The following EPB41L5 variants were observed in gnomAD, a reference collection of about 807,000 sequenced individuals.
The protein encoded by EPB41L5 is erythrocyte membrane protein band 4.1 like 5, also known as band 4.1-like protein 5.
EPB41L5 carries 55 observed loss-of-function variants against 106.6 expected under a neutral mutation model. The ratio of observed to expected loss-of-function variants is 0.52; its 90% CI spans 0.42 to 0.65. The LOEUF is 0.65. EPB41L5 is among the 30% of genes least tolerant of loss of function. The pLI is 0.00. For synonymous variants in EPB41L5, 297 were observed against 306.7 expected, an observed-to-expected ratio of 0.97 and a Z score of 0.33; for missense variants, 871 against 882.1, an observed-to-expected ratio of 0.99 and a Z score of 0.16.
At chr2:120,155,699 C>T (rs956879841) in intron 20 of EPB41L5, among the ~76,000 whole-genome samples, 1 of 151,814 alleles carries the variant, frequency 6.6e-6, no homozygotes, top group Non-Finnish European at 1.5e-5. Flanking sequence ...TTTTTTCTTT[C>T]ACCTCCTGAT....
intron 9 of EPB41L5, among the ~76,000 whole-genome samples, chr2:120,077,974 C>G (rs1185781468): frequency 1.3e-5 from 2 of 151,648 alleles, no homozygotes; most frequent in East Asian, 3.9e-4. Context: ...GGAGAGAGAG[C>G]AAAGAGGGAG....
intron 19 of EPB41L5, among the ~76,000 whole-genome samples, chr2:120,144,647 T>C (rs935119056): frequency 1.3e-5 from 2 of 152,082 alleles, no homozygotes; most frequent in African/African-American, 4.8e-5. Context: ...TTCAAAAAGA[T>C]AGAAGAGGAA....
intron 24 of EPB41L5, among the ~76,000 whole-genome samples, chr2:120,172,360 G>A (rs968829857): frequency 6.6e-6 from 1 of 152,170 alleles, no homozygotes; most frequent in Non-Finnish European, 1.5e-5. Context: ...TCTTTAGGAG[G>A]TCAAAGTTAA....
intron 2 of EPB41L5, among the ~76,000 whole-genome samples, chr2:120,033,910 A>G (rs1436970882): frequency 6.6e-6 from 1 of 151,536 alleles, no homozygotes; most frequent in African/African-American, 2.4e-5. Flanking sequence ...TCTGGGTAAC[A>G]TTATGAGAAC....
intron 16 of EPB41L5, among the ~76,000 whole-genome samples, chr2:120,125,426 A>G (rs756612802): frequency 2.3e-4 from 35 of 152,270 alleles, no homozygotes; most frequent in Admixed American, 7.2e-4. Flanking sequence ...GCTCATGGGA[A>G]ATATATTTAC....
intron 3 of EPB41L5, among the ~76,000 whole-genome samples, chr2:120,072,192 A>T (rs903608738): frequency 1.3e-5 from 2 of 152,256 alleles, no homozygotes; most frequent in Admixed American, 6.5e-5. Context: ...AAAGCGCATC[A>T]TCACTGGTTA....
rs1013579237 is a variant in EPB41L5, at chr2:120,062,558, A to G, written c.286-10620A>G. On this transcript the variant is annotated intron_variant, in intron 3 of 24. Coordinates refer to ENST00000263713, the MANE Select transcript of EPB41L5 (RefSeq NM_020909.4). ...TTTAAAGCTGTTTGATTATATTTAC[A>G]AATTAAACTTATCAGTGTATGAAAG... Among the ~76,000 whole-genome samples, 5 of 152,226 alleles carry G rather than the reference A, an allele frequency of 3.3e-5. No homozygotes were observed. In the South Asian group the frequency reaches 1.0e-3, roughly 31 times the overall value.
chr2:120,174,830 C>T lies in EPB41L5; in HGVS notation c.2136-11C>T. 1 of 1,613,854 alleles carries T rather than the reference C, an allele frequency of 6.2e-7. No homozygotes were observed. On this transcript the variant is annotated splice_polypyrimidine_tract_variant and intron_variant, in intron 24 of 24. Coordinates refer to ENST00000263713, the MANE Select transcript of EPB41L5 (RefSeq NM_020909.4). ...GGGTTCCCTGAGTAACCCATTCTCTCTTCCTTTCAGCTCTGGTCCCATTTT... is the reference window on the plus strand; with the variant it reads ...GGGTTCCCTGAGTAACCCATTCTCTTTTCCTTTCAGCTCTGGTCCCATTTT...
At chr2:120,106,796 G>T (rs2105416014) in intron 16 of EPB41L5, 1 of 985,296 alleles carries the variant, frequency 1.0e-6, no homozygotes. Flanking sequence ...TCTTTTTGTT[G>T]CGTTTCAAAG....
intron 20 of EPB41L5, among the ~76,000 whole-genome samples, chr2:120,160,164 A>G (rs1028680760): frequency 3.3e-5 from 5 of 152,224 alleles, no homozygotes; most frequent in African/African-American, 1.2e-4. Flanking sequence ...ACAAATTCCA[A>G]TGATACAAGT....
At chr2:120,162,356 A>C (rs150474439) in intron 21 of EPB41L5, among the ~76,000 whole-genome samples, 5 of 152,262 alleles carry the variant, frequency 3.3e-5, no homozygotes, top group African/African-American at 1.2e-4. Context: ...TTGCCCTTGC[A>C]TGAACACTTA....
intron 18 of EPB41L5, among the ~76,000 whole-genome samples, chr2:120,133,703 G>T (rs1685803644): frequency 6.6e-6 from 1 of 152,078 alleles, no homozygotes; most frequent in South Asian, 2.1e-4. Flanking sequence ...CAATTCCTGG[G>T]CACATCCTGG....
chr2:120,069,848 C>T (rs1016172886), intron 3 of EPB41L5, among the ~76,000 whole-genome samples: 9 of 152,092 alleles, frequency 5.9e-5, no homozygotes, highest in African/African-American at 2.2e-4. Context: ...GCACTAAATG[C>T]CCACAGGAGA....
intron 20 of EPB41L5, among the ~76,000 whole-genome samples, chr2:120,153,858 CT>C: frequency 6.6e-6 from 1 of 152,242 alleles, no homozygotes; most frequent in East Asian, 1.9e-4. Context: ...CTTTTTCTGT[CT>C]TTTCAGTTTC....
intron 5 of EPB41L5, 98 bp from the exon 6 acceptor site, chr2:120,075,377 AT>A (rs1281739762): frequency 4.5e-6 from 4 of 879,920 alleles, no homozygotes; most frequent in Non-Finnish European, 5.5e-6. Flanking sequence ...AATACAAGTA[AT>A]TTTTAATGAA....
chr2:120,122,047 T>TGG lies in EPB41L5; in HGVS notation c.1338-5641_1338-5640insGG, dbSNP rs1685239194. ...GGTTGTTTTTTTCTTGTAAATTTGT[T>TGG]TAAGTTCTTTGTAGATTCTGGATAT... On this transcript the variant is annotated intron_variant, in intron 16 of 24. Transcript: ENST00000263713. Among the ~76,000 whole-genome samples the TGG allele has an allele frequency of 3.3e-5, 5 of 152,350 alleles. No homozygotes were observed. The South Asian group carries it at 1.0e-3, about 32-fold the overall frequency.
At chr2:120,174,627 T>C (rs937626682) in intron 24 of EPB41L5, among the ~76,000 whole-genome samples, 3 of 152,200 alleles carry the variant, frequency 2.0e-5, no homozygotes, top group Non-Finnish European at 4.4e-5. Flanking sequence ...TTGTGCTGTC[T>C]TTATATTTTA....
rs202152737 is a variant in EPB41L5, at chr2:120,154,095, G to GTT, written c.1794-6776_1794-6775dup. On this transcript the variant is annotated intron_variant, in intron 20 of 24. Coordinates refer to ENST00000263713, the MANE Select transcript of EPB41L5 (RefSeq NM_020909.4). ...TCCATTACTGTCTTCTTTGTTTAAC[G>GTT]TTTTTTTTTTTCATGAGCATACCCC... is the stretch of plus-strand genomic sequence containing the variant. Among the ~76,000 whole-genome samples, 11 of 140,526 alleles carry GTT rather than the reference G, an allele frequency of 7.8e-5. No homozygotes were observed. The East Asian group carries it at 8.3e-4, about 11-fold the overall frequency. The allele number at this position is 140,526 out of a possible 152,430, so 92.2% of individuals were successfully genotyped here.
intron 14 of EPB41L5, among the ~76,000 whole-genome samples, chr2:120,098,723 T>TA (rs1179314938): frequency 1.3e-5 from 2 of 152,156 alleles, no homozygotes; most frequent in East Asian, 1.9e-4. Flanking sequence ...CTGTAGTTCT[T>TA]AAAAAAATAG....
Sources: gnomAD v4.1 joint callset for allele counts (sites outside exome capture counted in the v4.1 genomes callset) on GRCh38, gnomAD v4.1.1 for gene constraint, MANE v1.5 for transcripts, NCBI Gene and HGNC (gene_info 2026-07-23, HGNC 2026-07-21) for gene names.